PDS5B: variants seen among roughly 807,000 people sequenced by gnomAD.
PDS5B encodes the protein PDS5 cohesin associated factor B.
PDS5B carries 51 observed loss-of-function variants against 184.1 expected under a neutral mutation model. The ratio of observed to expected loss-of-function variants is 0.28; its 90% CI spans 0.22 to 0.35. The LOEUF is 0.35. PDS5B is among the 10% of genes least tolerant of loss of function. The pLI, the probability that PDS5B is intolerant of heterozygous loss-of-function variation, is 1.00. For missense variants in PDS5B, 1,180 were observed against 1,723.3 expected (o/e 0.68, Z 5.58); for synonymous variants, 566 against 569.2 (o/e 0.99, Z 0.08).
chr13:32,674,135 G>A (rs1329283750), intron 8 of PDS5B, among the ~76,000 whole-genome samples: 1 of 152,094 alleles, frequency 6.6e-6, no homozygotes, highest in Non-Finnish European at 1.5e-5. Flanking sequence ...TTGGTAGCAT[G>A]TTCCTAACTG....
chr13:32,601,568 G>A (rs2057975290), intron 1 of PDS5B, among the ~76,000 whole-genome samples: 1 of 152,176 alleles, frequency 6.6e-6, no homozygotes, highest in Non-Finnish European at 1.5e-5. Context: ...AGGTGATACT[G>A]GAAGAAAATA....
intron 10 of PDS5B, among the ~76,000 whole-genome samples, chr13:32,679,504 C>T (rs997935463): frequency 1.3e-5 from 2 of 152,064 alleles, no homozygotes; most frequent in Non-Finnish European, 2.9e-5. Context: ...GGTGTGATGG[C>T]ATGCGCCTAT....
chr13:32,712,635 G>A (rs1007797318), intron 19 of PDS5B, among the ~76,000 whole-genome samples: 1 of 152,196 alleles, frequency 6.6e-6, no homozygotes, highest in Non-Finnish European at 1.5e-5. Flanking sequence ...GAAAGTGAGA[G>A]CACTGACAAG....
At chr13:32,746,540 G>A (rs893262567) in intron 24 of PDS5B, among the ~76,000 whole-genome samples, 17 of 152,188 alleles carry the variant, frequency 1.1e-4, no homozygotes, top group African/African-American at 4.1e-4. Flanking sequence ...CCTGAACAAA[G>A]CTTATCTAGC....
intron 1 of PDS5B, among the ~76,000 whole-genome samples, chr13:32,634,159 C>T (rs1282127667): frequency 1.3e-5 from 2 of 152,066 alleles, no homozygotes; most frequent in Non-Finnish European, 2.9e-5. Context: ...ATGTCTTTGT[C>T]TTTGGAAATT....
Position 32,610,056 on chromosome 13 carries a change from A to G in PDS5B, c.-20+23463A>G, listed in dbSNP as rs553481112. Among the ~76,000 whole-genome samples the G allele has an allele frequency of 2.6e-5, 4 of 152,354 alleles. No homozygotes were observed. The East Asian group carries it at 5.8e-4, about 22-fold the overall frequency. Reference sequence around the variant, plus strand: ...GATTAACTAGTGTAAGAGTTGGCTTATTTAAGAGCACTGAGAATTTCTTGT... The same window carrying G: ...GATTAACTAGTGTAAGAGTTGGCTTGTTTAAGAGCACTGAGAATTTCTTGT... On this transcript the variant is annotated intron_variant, in intron 1 of 34. Transcript: ENST00000315596.
chr13:32,707,452 A>T (rs879692134), intron 18 of PDS5B, among the ~76,000 whole-genome samples: 1 of 151,980 alleles, frequency 6.6e-6, no homozygotes, highest in Non-Finnish European at 1.5e-5. Flanking sequence ...ACATAGGTTG[A>T]TCATACATAA....
chr13:32,706,331 C>T (rs1358282078), intron 17 of PDS5B, among the ~76,000 whole-genome samples: 1 of 145,644 alleles, frequency 6.9e-6, no homozygotes, highest in Non-Finnish European at 1.5e-5. Flanking sequence ...AATAAAATAA[C>T]ATAAGCTTGT....
chr13:32,614,816 G>T (rs186482990), intron 1 of PDS5B, among the ~76,000 whole-genome samples: 1 of 152,126 alleles, frequency 6.6e-6, no homozygotes. Flanking sequence ...TCTTTCCACT[G>T]TACCTACTCA....
Position 32,777,646 on chromosome 13 carries a change from G to A in PDS5B, c.*2594G>A, listed in dbSNP as rs1452478711. ...TTATGAAAATCTTATTCCTCAGTGAGGTTATCTTGCTGCACTCTGTAGCAA... is the reference window on the plus strand; with the variant it reads ...TTATGAAAATCTTATTCCTCAGTGAAGTTATCTTGCTGCACTCTGTAGCAA... On this transcript the variant is annotated 3_prime_UTR_variant, in exon 35 of 35. Coordinates refer to ENST00000315596, the MANE Select transcript of PDS5B (RefSeq NM_015032.4). 1 of 152,180 alleles carries A rather than the reference G, an allele frequency of 6.6e-6. No individual in the cohort carries two copies. The highest frequency in any genetic ancestry group is 2.4e-5 in the African/African-American group (1 of 41,386). 9.4% of individuals were successfully genotyped at this position (152,180 alleles called of 1,614,324 possible). A position where few individuals can be genotyped will look rare whatever the true frequency, so the allele number is the denominator to read the frequency against.
intron 33 of PDS5B, among the ~76,000 whole-genome samples, chr13:32,772,212 C>T (rs988365285): frequency 2.0e-5 from 3 of 152,168 alleles, no homozygotes; most frequent in South Asian, 2.1e-4. Context: ...TTTTGGATTG[C>T]TTATAGAAGT....
intron 19 of PDS5B, among the ~76,000 whole-genome samples, chr13:32,725,073 A>C (rs1281752965): frequency 6.6e-6 from 1 of 152,112 alleles, no homozygotes; most frequent in African/African-American, 2.4e-5. Context: ...TGATATTCTT[A>C]TTGTCATTCT....
At chr13:32,729,912 T>A (rs1566382918) in intron 19 of PDS5B, among the ~76,000 whole-genome samples, 1 of 152,106 alleles carries the variant, frequency 6.6e-6, no homozygotes, top group Non-Finnish European at 1.5e-5. Flanking sequence ...ACTCTGATGA[T>A]AAGTTTCTTT....
At chr13:32,600,888 G>A (rs915988948) in intron 1 of PDS5B, among the ~76,000 whole-genome samples, 1 of 152,162 alleles carries the variant, frequency 6.6e-6, no homozygotes, top group Non-Finnish European at 1.5e-5. Context: ...GGGATCCTTG[G>A]AATCTTCCCT....
At chr13:32,746,733 A>G (rs1432258265) in intron 24 of PDS5B, among the ~76,000 whole-genome samples, 2 of 152,242 alleles carry the variant, frequency 1.3e-5, no homozygotes, top group Non-Finnish European at 2.9e-5. Context: ...GACACTGTTT[A>G]CGTATGAAAG....
intron 1 of PDS5B, among the ~76,000 whole-genome samples, chr13:32,601,245 TG>T (rs2140483254): frequency 6.6e-6 from 1 of 152,356 alleles, no homozygotes; most frequent in South Asian, 2.1e-4. Context: ...TTGCTATTTG[TG>T]GAAAGATTAT....
rs2140786617 is a variant in PDS5B, at chr13:32,678,810, A to C, written c.963-25A>C. ...GTCTGTTTCTCTTATTTTGAAGCTCACTCTGTGCTTTTATATTTTATCAGG... is the reference window on the plus strand; with the variant it reads ...GTCTGTTTCTCTTATTTTGAAGCTCCCTCTGTGCTTTTATATTTTATCAGG... On this transcript the variant is annotated intron_variant, in intron 9 of 34. Transcript: ENST00000315596. 4 of 1,242,260 alleles carry C rather than the reference A, an allele frequency of 3.2e-6. No homozygotes were observed. In the East Asian group the frequency reaches 7.0e-5, roughly 22 times the overall value. The allele number at this position is 1,242,260 out of a possible 1,614,324, so 77.0% of individuals were successfully genotyped here.
At chr13:32,718,299 C>T (rs545912974) in intron 19 of PDS5B, among the ~76,000 whole-genome samples, 26 of 152,044 alleles carry the variant, frequency 1.7e-4, no homozygotes, top group African/African-American at 3.4e-4. Context: ...TACAGGCGCC[C>T]GCCACCATGC....
intron 19 of PDS5B, among the ~76,000 whole-genome samples, chr13:32,719,813 G>A (rs528057294): frequency 2.7e-5 from 4 of 146,036 alleles, no homozygotes; most frequent in Non-Finnish European, 4.5e-5. Context: ...GTTTGAGACA[G>A]GGTTTCACTC....
Sources: gnomAD v4.1 joint callset for allele counts (sites outside exome capture counted in the v4.1 genomes callset) on GRCh38, gnomAD v4.1.1 for gene constraint, MANE v1.5 for transcripts, NCBI Gene and HGNC (gene_info 2026-07-23, HGNC 2026-07-21) for gene names.